NLGN4Y: variants seen among roughly 807,000 people sequenced by gnomAD.
The protein encoded by NLGN4Y is neuroligin-4, Y-linked.
In NLGN4Y, 4 loss-of-function variants were observed where a neutral mutation model predicts 8.4. The observed-to-expected ratio is 0.48, with a 90% CI of 0.23 to 1.09. The LOEUF is 1.09. NLGN4Y is among the 50% of genes least tolerant of loss of function. The pLI, the probability that NLGN4Y is intolerant of heterozygous loss-of-function variation, is 0.19. For missense variants in NLGN4Y, 90 were observed against 192.3 expected (o/e 0.47, Z 3.15); for synonymous variants, 35 against 75.6 (o/e 0.46, Z 2.78).
chrY:14,829,601 GAC>G (rs2043163499), intron 5 of NLGN4Y, 127 bp from the exon 6 acceptor site: 1 of 219,094 alleles, frequency 4.6e-6, no homozygotes, highest in African/African-American at 8.0e-5. Context: ...AGAGCCCTCT[GAC>G]AGAGCTGAAT....
chrY:14,737,658 G>T, intron 4 of NLGN4Y, among the ~76,000 whole-genome samples: 1 of 32,775 alleles, frequency 3.1e-5, no homozygotes, highest in African/African-American at 1.2e-4. Flanking sequence ...ACTCTGATTG[G>T]ATCATTACAC....
At chrY:14,755,139 C>A in intron 4 of NLGN4Y, among the ~76,000 whole-genome samples, 1 of 32,986 alleles carries the variant, frequency 3.0e-5, no homozygotes, top group Non-Finnish European at 7.4e-5. Flanking sequence ...ACGTGCTTAT[C>A]AATTTTAGTG....
intron 1 of NLGN4Y, among the ~76,000 whole-genome samples, chrY:14,553,815 A>G: frequency 3.2e-5 from 1 of 31,666 alleles, no homozygotes; most frequent in African/African-American, 1.2e-4. Flanking sequence ...TCATTAAAAA[A>G]TAATGACTTA....
chrY:14,594,722 C>T, intron 1 of NLGN4Y, among the ~76,000 whole-genome samples: 2 of 33,092 alleles, frequency 6.0e-5, no homozygotes, highest in African/African-American at 2.4e-4. Flanking sequence ...TAAGGCCTCT[C>T]GTAGCCGCTC....
intron 4 of NLGN4Y, among the ~76,000 whole-genome samples, chrY:14,779,987 C>T: frequency 3.0e-5 from 1 of 33,296 alleles, no homozygotes; most frequent in Non-Finnish European, 7.4e-5. Context: ...TCATTTATCC[C>T]ATTTGGAAAT....
At chrY:14,804,704 G>A in intron 4 of NLGN4Y, among the ~76,000 whole-genome samples, 1 of 33,478 alleles carries the variant, frequency 3.0e-5, no homozygotes, top group African/African-American at 1.2e-4. Flanking sequence ...ATCAGGGACT[G>A]GTTTCACATA....
At chrY:14,602,136 T>C in intron 1 of NLGN4Y, among the ~76,000 whole-genome samples, 1 of 33,526 alleles carries the variant, frequency 3.0e-5, no homozygotes, top group Non-Finnish European at 7.4e-5. Context: ...GTGTGTTGCA[T>C]TGGGCTTGTC....
intron 2 of NLGN4Y, among the ~76,000 whole-genome samples, chrY:14,642,217 C>T (rs2080593496): frequency 5.9e-5 from 2 of 33,672 alleles, no homozygotes; most frequent in Non-Finnish European, 1.5e-4. Flanking sequence ...AATGAGACCC[C>T]AGCTCAGGCC....
intron 4 of NLGN4Y, among the ~76,000 whole-genome samples, chrY:14,749,561 C>T: frequency 3.0e-4 from 10 of 33,780 alleles, no homozygotes; most frequent in Admixed American, 2.7e-3. Flanking sequence ...TATGCCTTTC[C>T]AAATAGACTA....
intron 4 of NLGN4Y, among the ~76,000 whole-genome samples, chrY:14,777,257 G>T: frequency 3.0e-5 from 1 of 33,839 alleles, no homozygotes; most frequent in African/African-American, 1.1e-4. Flanking sequence ...AGCTACCACA[G>T]TTAAATTCGG....
At chrY:14,621,447 T>A (rs1603501511) in intron 1 of NLGN4Y, among the ~76,000 whole-genome samples, 1 of 33,749 alleles carries the variant, frequency 3.0e-5, no homozygotes, top group East Asian at 7.7e-4. Context: ...TGAACGTCGG[T>A]TTGTTCATTC....
At chrY:14,775,183 G>A (rs755366019) in intron 4 of NLGN4Y, among the ~76,000 whole-genome samples, 35 of 32,574 alleles carry the variant, frequency 1.1e-3, no homozygotes, top group African/African-American at 3.8e-3. Flanking sequence ...AATTATAATA[G>A]GAAAATGTCA....
intron 1 of NLGN4Y, among the ~76,000 whole-genome samples, chrY:14,577,548 T>G: frequency 2.9e-5 from 1 of 34,390 alleles, no homozygotes; most frequent in Admixed American, 2.6e-4. Context: ...GTTTAAAAAG[T>G]AATCCCAGCG....
intron 1 of NLGN4Y, among the ~76,000 whole-genome samples, chrY:14,610,680 G>C: frequency 3.0e-5 from 1 of 33,005 alleles, no homozygotes; most frequent in African/African-American, 1.2e-4. Flanking sequence ...TGTATATTCT[G>C]TTGATTGGGG....
intron 6 of NLGN4Y, among the ~76,000 whole-genome samples, chrY:14,840,059 A>G (rs201309210): frequency 2.9e-5 from 1 of 34,002 alleles, no homozygotes; most frequent in East Asian, 7.8e-4. Flanking sequence ...TTTGCAGTTC[A>G]GAAACAGTGA....
chrY:14,706,581 T>C (rs2150547645), intron 2 of NLGN4Y, among the ~76,000 whole-genome samples: 1 of 30,693 alleles, frequency 3.3e-5, no homozygotes, highest in African/African-American at 1.3e-4. Context: ...CCTAGCAAAT[T>C]TTCCTGTTTT....
At chrY:14,531,789 A>C in intron 1 of NLGN4Y, among the ~76,000 whole-genome samples, 1 of 30,706 alleles carries the variant, frequency 3.3e-5, no homozygotes, top group Non-Finnish European at 7.7e-5. Context: ...AATCTATAAT[A>C]AAATATGTAT....
At chrY:14,820,617 C>T in intron 4 of NLGN4Y, among the ~76,000 whole-genome samples, 2 of 32,507 alleles carry the variant, frequency 6.2e-5, no homozygotes, top group Admixed American at 2.8e-4. Context: ...GGAACAGAGT[C>T]CCACAGTTTA....
intron 1 of NLGN4Y, among the ~76,000 whole-genome samples, chrY:14,615,582 G>A (rs2080485990): frequency 6.0e-5 from 2 of 33,424 alleles, no homozygotes; most frequent in African/African-American, 2.3e-4. Flanking sequence ...ATTATCTTGA[G>A]ATATGTTTCA....
Sources: allele counts gnomAD v4.1 joint callset (sites outside exome capture counted in the v4.1 genomes callset), GRCh38; gene constraint gnomAD v4.1.1; transcripts MANE v1.5; gene names NCBI Gene and HGNC (gene_info 2026-07-23, HGNC 2026-07-21).